PTPRG: variants seen among roughly 807,000 people sequenced by gnomAD.
PTPRG encodes the protein protein tyrosine phosphatase receptor type G, also known as receptor-type tyrosine-protein phosphatase gamma.
A neutral mutation model predicts 165.3 loss-of-function variants in PTPRG; 102 were observed. That is an observed-to-expected ratio of 0.62 (90% CI 0.53 to 0.73). PTPRG has a LOEUF of 0.73. Ranked by LOEUF, PTPRG falls within the 30% of genes least tolerant of loss-of-function variation. PTPRG has a pLI of 0.00. For synonymous variants in PTPRG, 675 were observed against 669.5 expected, an observed-to-expected ratio of 1.01 and a Z score of -0.13; for missense variants, 1,866 against 1,861.4, an observed-to-expected ratio of 1.00 and a Z score of -0.05.
intron 26 of PTPRG, among the ~76,000 whole-genome samples, chr3:62,279,423 C>T (rs373983871): frequency 1.3e-5 from 2 of 152,136 alleles, no homozygotes; most frequent in Non-Finnish European, 1.5e-5. Flanking sequence ...AGTTAATTTA[C>T]TATTCATGTT....
At chr3:61,920,214 G>A (rs566418776) in intron 2 of PTPRG, among the ~76,000 whole-genome samples, 72 of 152,216 alleles carry the variant, frequency 4.7e-4, no homozygotes, top group African/African-American at 1.6e-3. Flanking sequence ...AACCATATCT[G>A]TATCTCCAAC....
chr3:61,857,711 T>C (rs1245719199), intron 2 of PTPRG, among the ~76,000 whole-genome samples: 1 of 152,248 alleles, frequency 6.6e-6, no homozygotes, highest in African/African-American at 2.4e-5. Flanking sequence ...CCTAACGTTT[T>C]ATCCATGTTT....
At chr3:61,626,617 C>T (rs1411253769) in intron 1 of PTPRG, among the ~76,000 whole-genome samples, 1 of 152,214 alleles carries the variant, frequency 6.6e-6, no homozygotes, top group Non-Finnish European at 1.5e-5. Context: ...TTCTCAGAGT[C>T]ATAGTCCCAG....
chr3:61,674,108 C>G (rs988306408), intron 1 of PTPRG, among the ~76,000 whole-genome samples: 8 of 151,714 alleles, frequency 5.3e-5, no homozygotes, highest in Non-Finnish European at 1.2e-4. Flanking sequence ...TGCAGCAAAC[C>G]ACCATGGCAC....
chr3:61,661,718 T>C (rs1702673874), intron 1 of PTPRG, among the ~76,000 whole-genome samples: 1 of 152,222 alleles, frequency 6.6e-6, no homozygotes, highest in Non-Finnish European at 1.5e-5. Flanking sequence ...AGAGGAGATA[T>C]CAATTTGTGT....
chr3:61,588,340 A>G (rs1700485777), intron 1 of PTPRG, among the ~76,000 whole-genome samples: 1 of 152,048 alleles, frequency 6.6e-6, no homozygotes, highest in Non-Finnish European at 1.5e-5. Context: ...CTGATGTTAT[A>G]TCTATCATAA....
At chr3:61,962,907 T>A (rs2040185973) in intron 2 of PTPRG, among the ~76,000 whole-genome samples, 1 of 152,160 alleles carries the variant, frequency 6.6e-6, no homozygotes, top group African/African-American at 2.4e-5. Context: ...TTTTTGTAAT[T>A]TAATTTTTAA....
intron 2 of PTPRG, among the ~76,000 whole-genome samples, chr3:61,950,550 G>A (rs2039874897): frequency 6.6e-6 from 1 of 150,792 alleles, no homozygotes; most frequent in African/African-American, 2.5e-5. Context: ...CAGCAACCAT[G>A]CCTTAAATGG....
intron 1 of PTPRG, among the ~76,000 whole-genome samples, chr3:61,711,888 A>G (rs960347583): frequency 5.4e-5 from 8 of 147,938 alleles, no homozygotes; most frequent in East Asian, 2.2e-4. Flanking sequence ...TGATGTTATT[A>G]TAGTCTTTTT....
In PTPRG at chr3:62,218,760, A is replaced by C. The variant is rs529631562; in HGVS notation, c.2156-91A>C. 184 of 1,474,212 alleles carry C rather than the reference A, an allele frequency of 1.2e-4. 1 individual carries two copies. In the African/African-American group the frequency reaches 2.1e-3, roughly 17 times the overall value. The allele number at this position is 1,474,212 out of a possible 1,614,324, so 91.3% of individuals were successfully genotyped here. On this transcript the variant is annotated intron_variant, in intron 12 of 29. Transcript: ENST00000474889. ...GAGCAAATGGCCCAGTTCGCCAGAA[A>C]CCACACAAAACTGGAACAGAACTCT...
chr3:62,280,091 C>T (rs995911053), intron 26 of PTPRG, among the ~76,000 whole-genome samples: 2 of 152,044 alleles, frequency 1.3e-5, no homozygotes, highest in African/African-American at 4.8e-5. Context: ...AATGGATGAA[C>T]ATTTAAAGCT....
intron 2 of PTPRG, among the ~76,000 whole-genome samples, chr3:61,948,913 CTT>C (rs773287743): frequency 1.3e-5 from 2 of 152,054 alleles, no homozygotes; most frequent in Non-Finnish European, 2.9e-5. Flanking sequence ...CTATGATTAT[CTT>C]TGTCACAGTG....
At chr3:61,742,528 A>C (rs1434579062) in intron 1 of PTPRG, 1 of 1,593,942 alleles carries the variant, frequency 6.3e-7, no homozygotes, top group Non-Finnish European at 8.5e-7. Context: ...GTTTTTCTTG[A>C]GCAATGACAC....
chr3:62,046,713 C>T (rs1351441473), intron 4 of PTPRG, among the ~76,000 whole-genome samples: 1 of 152,022 alleles, frequency 6.6e-6, no homozygotes, highest in African/African-American at 2.4e-5. Flanking sequence ...ACTCTTTGAA[C>T]TAGTCCCAAA....
intron 1 of PTPRG, among the ~76,000 whole-genome samples, chr3:61,610,729 C>G (rs551164748): frequency 2.0e-5 from 3 of 150,810 alleles, no homozygotes; most frequent in Admixed American, 2.0e-4. Flanking sequence ...CTTATTCTCT[C>G]ATTGCCTTCC....
chr3:61,817,860 T>C (rs959880448), intron 2 of PTPRG, among the ~76,000 whole-genome samples: 1 of 152,146 alleles, frequency 6.6e-6, no homozygotes, highest in Non-Finnish European at 1.5e-5. Context: ...TTTTCCAAAC[T>C]AATAACCTGA....
intron 2 of PTPRG, among the ~76,000 whole-genome samples, chr3:61,754,436 A>C (rs533947940): frequency 2.0e-4 from 30 of 152,200 alleles, no homozygotes; most frequent in South Asian, 1.7e-3. Flanking sequence ...TATAACATGC[A>C]TGTGTGTGTC....
chr3:62,016,448 G>A (rs919679851), intron 4 of PTPRG, among the ~76,000 whole-genome samples: 2 of 152,132 alleles, frequency 1.3e-5, no homozygotes, highest in East Asian at 3.9e-4. Flanking sequence ...TTACAGGTGT[G>A]AGCCACCGCG....
chr3:62,230,767 C>T (rs898103237), intron 13 of PTPRG, among the ~76,000 whole-genome samples: 1 of 152,104 alleles, frequency 6.6e-6, no homozygotes, highest in African/African-American at 2.4e-5. Flanking sequence ...AAAGACAAAA[C>T]CCGAAATGTG....
Sources: gnomAD v4.1 joint callset for allele counts (sites outside exome capture counted in the v4.1 genomes callset) on GRCh38, gnomAD v4.1.1 for gene constraint, MANE v1.5 for transcripts, NCBI Gene and HGNC (gene_info 2026-07-23, HGNC 2026-07-21) for gene names.